ZNF280D: variants seen among roughly 807,000 people sequenced by gnomAD.
ZNF280D encodes the protein zinc finger protein 280D.
A neutral mutation model predicts 94.7 loss-of-function variants in ZNF280D; 39 were observed. The observed-to-expected ratio is 0.41, with a 90% CI of 0.32 to 0.54. ZNF280D has a LOEUF of 0.54. ZNF280D is among the 20% of genes least tolerant of loss of function. The pLI is 0.22. For synonymous variants in ZNF280D, 398 were observed against 377.6 expected, an observed-to-expected ratio of 1.05 and a Z score of -0.63; for missense variants, 1,090 against 1,149.3, an observed-to-expected ratio of 0.95 and a Z score of 0.75.
At chr15:56,647,838 A>G (rs1171236502) in intron 19 of ZNF280D, among the ~76,000 whole-genome samples, 1 of 152,138 alleles carries the variant, frequency 6.6e-6, no homozygotes, top group Non-Finnish European at 1.5e-5. Flanking sequence ...GCCACCAACC[A>G]TCACTTCTCT....
intron 1 of ZNF280D, among the ~76,000 whole-genome samples, chr15:56,725,746 A>C (rs2058597987): frequency 6.6e-6 from 1 of 152,154 alleles, no homozygotes; most frequent in Non-Finnish European, 1.5e-5. Context: ...GCTGGTCAAA[A>C]ATTTGTAAGT....
At chr15:56,714,680 A>G (rs1474428448) in intron 1 of ZNF280D, among the ~76,000 whole-genome samples, 1 of 152,114 alleles carries the variant, frequency 6.6e-6, no homozygotes, top group Non-Finnish European at 1.5e-5. Flanking sequence ...TATACAAAAA[A>G]CTTCATTCTC....
At chr15:56,711,487 A>G (rs1356348080) in intron 1 of ZNF280D, among the ~76,000 whole-genome samples, 1 of 152,110 alleles carries the variant, frequency 6.6e-6, no homozygotes, top group African/African-American at 2.4e-5. Context: ...CAACATGGTG[A>G]AACCGGGACT....
At chr15:56,653,963 C>T (rs1424064110) in intron 19 of ZNF280D, 1 of 1,386,642 alleles carries the variant, frequency 7.2e-7, no homozygotes, top group Non-Finnish European at 9.4e-7. Flanking sequence ...GGCTGCTCAA[C>T]TGCCTTTGTG....
At chr15:56,636,269 A>G (rs1212992621) in intron 20 of ZNF280D, among the ~76,000 whole-genome samples, 4 of 152,154 alleles carry the variant, frequency 2.6e-5, no homozygotes, top group Non-Finnish European at 2.9e-5. Flanking sequence ...AGTTACAATG[A>G]ATGTCTGCAG....
At chr15:56,652,723 T>C in intron 19 of ZNF280D, 1 of 985,298 alleles carries the variant, frequency 1.0e-6, no homozygotes, top group Non-Finnish European at 1.2e-6. Flanking sequence ...AAACTGGCTC[T>C]TAAGGTCTGC....
chr15:56,706,982 T>G (rs1596591862), intron 3 of ZNF280D, 100 bp downstream of exon 3: 2 of 1,135,186 alleles, frequency 1.8e-6, no homozygotes, highest in Admixed American at 3.8e-5. Flanking sequence ...TTAAGCATTT[T>G]TGTTTTTTAA....
chr15:56,720,173 A>C (rs1350873236), intron 1 of ZNF280D, among the ~76,000 whole-genome samples: 1 of 152,172 alleles, frequency 6.6e-6, no homozygotes, highest in African/African-American at 2.4e-5. Context: ...CAATCCTCTC[A>C]ATCCTTGCTG....
At chr15:56,689,910 T>G (rs914206988) in intron 7 of ZNF280D, among the ~76,000 whole-genome samples, 2 of 152,194 alleles carry the variant, frequency 1.3e-5, no homozygotes, top group African/African-American at 4.8e-5. Flanking sequence ...ACTCTTAAGA[T>G]GCTTTTTTCA....
chr15:56,666,791 T>G lies in ZNF280D; in HGVS notation c.1741A>C (p.Asn581His). 6.2e-7 allele frequency: 1 copy of G among 1,613,920 alleles called. No homozygotes were observed. The highest frequency in any genetic ancestry group is 8.5e-7 in the Non-Finnish European group (1 of 1,179,884). The change falls in exon 15 of 22, where the codon AAT becomes CAT. Residue 581 changes from asparagine to histidine, a missense_variant. Asn to His is a moderately conservative substitution (Grantham distance 68). Around this residue, in one of 3 missense-constraint regions of ZNF280D, gnomAD observed 577 missense variants for 568.8 expected, o/e 1.01. Coordinates refer to ENST00000267807, the MANE Select transcript of ZNF280D (RefSeq NM_017661.4). ...NASKPNTSKP[N>H]GSKSKYKPKI... ...GGTTTGTATTTAGATTTACTTCCAT[T>G]AGGCTTACTTGTATTAGGTTTACTT...
rs530080991 is a variant in ZNF280D at position 56,665,517 on chromosome 15, A to T, written c.1994+878T>A. Reference sequence around the variant, plus strand: ...GAAAAAGAATTCCAAAAGTGGCATCATGGTGGAATGGTGTCTCATTTTCAC... The same window carrying T: ...GAAAAAGAATTCCAAAAGTGGCATCTTGGTGGAATGGTGTCTCATTTTCAC... On this transcript the variant is annotated intron_variant, in intron 16 of 21. Transcript: ENST00000267807. 1.1e-3 allele frequency among the ~76,000 whole-genome samples: 166 copies of T among 152,248 alleles called. 2 individuals are homozygous for T. The highest frequency in any genetic ancestry group is 3.7e-3 in the African/African-American group (153 of 41,574).
Position 56,669,890 on chromosome 15 carries a change from A to ATATATAT in ZNF280D, c.1411-940_1411-934dup, listed in dbSNP as rs1566959751. Among the ~76,000 whole-genome samples the ATATATAT allele has an allele frequency of 5.9e-3, 39 of 6,612 alleles. 7 individuals carry two copies. The highest frequency in any genetic ancestry group is 0.014 in the Admixed American group (3 of 222). The allele number at this position is 6,612 out of a possible 152,430, so 4.3% of individuals were successfully genotyped here. On this transcript the variant is annotated intron_variant, in intron 13 of 21. Coordinates refer to ENST00000267807, the MANE Select transcript of ZNF280D (RefSeq NM_017661.4). ...TATATATTTTATATATATATATATT[A>ATATATAT]TATATATATATAATATATATATATT...
rs35057161 is a variant in ZNF280D at position 56,659,175 on chromosome 15, TAAAAAAA to T, written c.1995-696_1995-690del. ...GGCTTTCTAGTAGAGTGTTTTTTAT[TAAAAAAA>T]AAAAAAAAAAAAAAAAGGAACTCAT... On this transcript the variant is annotated intron_variant, in intron 16 of 21. Transcript: ENST00000267807. Among the ~76,000 whole-genome samples the T allele has an allele frequency of 1.5e-4, 14 of 93,226 alleles. No individual in the cohort carries two copies. In the South Asian group the frequency reaches 1.9e-3, roughly 13 times the overall value. 61.2% of individuals were successfully genotyped at this position (93,226 alleles called of 152,430 possible).
In ZNF280D at chr15:56,696,620, A is replaced by G. The variant is rs370164734; in HGVS notation, c.382-3405T>C. On this transcript the variant is annotated intron_variant, in intron 6 of 21. Transcript: ENST00000267807. ...GAGATACCACATTCCATGAAAAAGT[A>G]AAAACACACACACAAAATATGACAT... 7.4e-4 allele frequency among the ~76,000 whole-genome samples: 113 copies of G among 152,354 alleles called. 1 individual carries two copies. In the South Asian group the frequency reaches 9.5e-3, roughly 13 times the overall value.
intron 11 of ZNF280D, among the ~76,000 whole-genome samples, chr15:56,677,985 T>G (rs1596468831): frequency 2.0e-5 from 3 of 151,692 alleles, no homozygotes; most frequent in African/African-American, 7.2e-5. Context: ...GCTATCTTGC[T>G]CCAACATCTG....
intron 16 of ZNF280D, among the ~76,000 whole-genome samples, chr15:56,660,591 C>G (rs1319800113): frequency 6.6e-6 from 1 of 151,934 alleles, no homozygotes; most frequent in African/African-American, 2.4e-5. Flanking sequence ...CCTATTAGCT[C>G]TCCATAAAGG....
chr15:56,658,325 T>C, intron 17 of ZNF280D, 99 bp downstream of exon 17: 2 of 789,238 alleles, frequency 2.5e-6, no homozygotes, highest in African/African-American at 1.8e-5. Context: ...ATAAATTGTA[T>C]GGTATGCTAA....
chr15:56,700,750 C>A lies in ZNF280D; in HGVS notation c.381+183G>T, dbSNP rs2057011835. On this transcript the variant is annotated intron_variant, in intron 6 of 21. Coordinates refer to ENST00000267807, the MANE Select transcript of ZNF280D (RefSeq NM_017661.4). ...TATTAACAGGTTGGGTAGTTAGCTCCTTCAGTTATTACTTGGGGTACTGCT... is the reference window on the plus strand; with the variant it reads ...TATTAACAGGTTGGGTAGTTAGCTCATTCAGTTATTACTTGGGGTACTGCT... The A allele has an allele frequency of 2.7e-6, 4 of 1,487,654 alleles. No individual in the cohort carries two copies. In the Admixed American group the frequency reaches 9.0e-5, roughly 34 times the overall value. 92.2% of individuals were successfully genotyped at this position (1,487,654 alleles called of 1,614,324 possible).
chr15:56,657,220 A>C (rs1335291979), intron 17 of ZNF280D, among the ~76,000 whole-genome samples: 1 of 152,178 alleles, frequency 6.6e-6, no homozygotes, highest in Non-Finnish European at 1.5e-5. Context: ...TGTGTGGTAT[A>C]ACCAAAGATA....
Sources: allele counts gnomAD v4.1 joint callset (sites outside exome capture counted in the v4.1 genomes callset), GRCh38; gene constraint gnomAD v4.1.1; regional missense constraint gnomAD v4.1.1; transcripts MANE v1.5; gene names NCBI Gene and HGNC (gene_info 2026-07-23, HGNC 2026-07-21).